DROSHA: variants seen among roughly 807,000 people sequenced by gnomAD.
DROSHA encodes the protein drosha ribonuclease III, also known as ribonuclease 3.
A neutral mutation model predicts 181.9 loss-of-function variants in DROSHA; 56 were observed. That is an observed-to-expected ratio of 0.31 (90% CI 0.25 to 0.38). The LOEUF is 0.38. Ranked by LOEUF, DROSHA falls within the 10% of genes least tolerant of loss-of-function variation. The pLI, the probability that DROSHA is intolerant of heterozygous loss-of-function variation, is 1.00. For missense variants in DROSHA, 1,218 were observed against 1,743.5 expected (o/e 0.70, Z 5.37); for synonymous variants, 524 against 591.2 (o/e 0.89, Z 1.65).
intron 27 of DROSHA, 93 bp downstream of exon 27, chr5:31,429,382 T>A (rs1376181141): frequency 8.4e-7 from 1 of 1,189,802 alleles, no homozygotes; most frequent in Non-Finnish European, 1.2e-6. Context: ...ATTTTGTTTC[T>A]CCTATATTCT....
intron 20 of DROSHA, among the ~76,000 whole-genome samples, chr5:31,452,419 T>C (rs1747138449): frequency 6.6e-6 from 1 of 152,208 alleles, no homozygotes; most frequent in Non-Finnish European, 1.5e-5. Context: ...AATTTAAATT[T>C]TTCCTTCAAT....
intron 35 of DROSHA, 151 bp downstream of exon 35, chr5:31,405,526 A>G: frequency 2.7e-6 from 2 of 736,194 alleles, no homozygotes; most frequent in Non-Finnish European, 4.4e-6. Flanking sequence ...AGAATGTCTC[A>G]CATTCTACTA....
At chr5:31,431,739 C>G in intron 25 of DROSHA, 61 bp from the exon 26 acceptor site, 1 of 1,513,956 alleles carries the variant, frequency 6.6e-7, no homozygotes. Context: ...ACTATAGTAA[C>G]TCAGCATCTC....
intron 18 of DROSHA, 163 bp from the exon 19 acceptor site, chr5:31,466,444 C>A (rs531646075): frequency 1.4e-4 from 87 of 604,930 alleles, no homozygotes; most frequent in African/African-American, 1.1e-3. Context: ...GACTTTGAGG[C>A]TGAGAGTCAG....
intron 5 of DROSHA, among the ~76,000 whole-genome samples, chr5:31,521,682 T>C (rs1739910021): frequency 6.6e-6 from 1 of 152,218 alleles, no homozygotes; most frequent in Non-Finnish European, 1.5e-5. Context: ...TTATGGCTTA[T>C]AGGCTTGAGT....
At chr5:31,515,353 A>G (rs1171802523) in intron 7 of DROSHA, 101 bp downstream of exon 7, 9 of 1,122,564 alleles carry the variant, frequency 8.0e-6, no homozygotes, top group African/African-American at 1.6e-5. Flanking sequence ...TACTTTTGTT[A>G]AACCAGTGAC....
At chr5:31,491,461 A>G (rs776448986) in intron 13 of DROSHA, among the ~76,000 whole-genome samples, 1 of 152,236 alleles carries the variant, frequency 6.6e-6, no homozygotes, top group Non-Finnish European at 1.5e-5. Flanking sequence ...CCACACTGCT[A>G]TCCTTCTTTG....
intron 24 of DROSHA, among the ~76,000 whole-genome samples, chr5:31,436,741 A>AACACACACACACACACAC (rs58046266): frequency 7.3e-6 from 1 of 137,698 alleles, no homozygotes; most frequent in East Asian, 2.2e-4. Flanking sequence ...TCTGGAGAGA[A>AACACACACACACACACAC]ACACACACAC....
At chr5:31,516,267 A>G (rs962368169) in intron 6 of DROSHA, among the ~76,000 whole-genome samples, 3 of 152,200 alleles carry the variant, frequency 2.0e-5, no homozygotes, top group African/African-American at 7.2e-5. Context: ...AACAACAATA[A>G]CAACAAAACC....
At chr5:31,442,595 A>G (rs1745725044) in intron 23 of DROSHA, among the ~76,000 whole-genome samples, 1 of 152,164 alleles carries the variant, frequency 6.6e-6, no homozygotes, top group Non-Finnish European at 1.5e-5. Flanking sequence ...ACTTTATAAA[A>G]CACAACCGTC....
In DROSHA at chr5:31,484,790, A is replaced by G. The variant is rs1751545217; in HGVS notation, c.1996+91T>C. 3.4e-6 allele frequency: 3 copies of G among 883,862 alleles called. No individual in the cohort carries two copies. In the South Asian group the frequency reaches 5.1e-5, roughly 15 times the overall value. 54.8% of individuals were successfully genotyped at this position (883,862 alleles called of 1,614,324 possible). ...TATTTAAAAAATAAGAGAAATTTCA[A>G]CTATCTCCCTACAACTTTTATAAGA... On this transcript the variant is annotated intron_variant, in intron 15 of 35. Coordinates refer to ENST00000344624, the MANE Select transcript of DROSHA (RefSeq NM_001382508.1).
At chr5:31,422,626 C>T (rs1322660420) in intron 29 of DROSHA, among the ~76,000 whole-genome samples, 161 bp downstream of exon 29, 2 of 152,170 alleles carry the variant, frequency 1.3e-5, no homozygotes, top group African/African-American at 4.8e-5. Flanking sequence ...TGGAGCATAA[C>T]CCCAGGTCCA....
Position 31,470,767 on chromosome 5 carries a change from G to A in DROSHA, c.2241+1296C>T, listed in dbSNP as rs1291932035. ...AGGAAAACGTAACTATACCATGGAA[G>A]GAAGTCCAGGGTGAACGTGCTCCCC... On this transcript the variant is annotated intron_variant, in intron 17 of 35. Coordinates refer to ENST00000344624, the MANE Select transcript of DROSHA (RefSeq NM_001382508.1). This position sits in a 1 kb window ranked among gnomAD's most constrained non-coding sequence, Gnocchi z 4.0. 6.6e-6 allele frequency among the ~76,000 whole-genome samples: 1 copy of A among 152,042 alleles called. No individual in the cohort carries two copies. The highest frequency in any genetic ancestry group is 1.5e-5 in the Non-Finnish European group (1 of 68,022).
chr5:31,426,938 G>A (rs1190203325), intron 27 of DROSHA, among the ~76,000 whole-genome samples: 1 of 152,062 alleles, frequency 6.6e-6, no homozygotes, highest in African/African-American at 2.4e-5. Flanking sequence ...AAATATTAGG[G>A]TCAGAATTGA....
At chr5:31,530,460 G>T (rs1419862312) in intron 3 of DROSHA, among the ~76,000 whole-genome samples, 1 of 151,846 alleles carries the variant, frequency 6.6e-6, no homozygotes, top group South Asian at 2.1e-4. Flanking sequence ...TCCCCAGAAA[G>T]ACCCTACTAC....
chr5:31,465,443 A>C (rs520448), intron 19 of DROSHA, among the ~76,000 whole-genome samples: 1,835 of 152,330 alleles, frequency 0.012, 36 homozygotes, highest in African/African-American at 0.041. Context: ...AATCTGAGTA[A>C]GGCCCAATGT....
At chr5:31,501,562 T>C (rs947182745) in intron 11 of DROSHA, among the ~76,000 whole-genome samples, 2 of 151,928 alleles carry the variant, frequency 1.3e-5, no homozygotes, top group Non-Finnish European at 2.9e-5. Flanking sequence ...ATAGGGGAGA[T>C]GGTACCGGTC....
At chr5:31,425,896 C>G (rs183289223) in intron 27 of DROSHA, among the ~76,000 whole-genome samples, 33 of 152,224 alleles carry the variant, frequency 2.2e-4, no homozygotes, top group Middle Eastern at 3.4e-3. Flanking sequence ...AAGCTGTTCT[C>G]TGACAAACAC....
intron 23 of DROSHA, among the ~76,000 whole-genome samples, chr5:31,438,534 G>T (rs1745163571): frequency 6.6e-6 from 1 of 152,048 alleles, no homozygotes; most frequent in East Asian, 1.9e-4. Flanking sequence ...TGTGAGGAGT[G>T]GTGCCGTTTA....
Sources: allele counts gnomAD v4.1 joint callset (sites outside exome capture counted in the v4.1 genomes callset), GRCh38; gene constraint gnomAD v4.1.1; non-coding constraint Gnocchi (gnomAD v3.1); transcripts MANE v1.5; gene names NCBI Gene and HGNC (gene_info 2026-07-23, HGNC 2026-07-21).